The following POP1 variants were observed in gnomAD, a reference collection of about 807,000 sequenced individuals.
The protein encoded by POP1 is ribonucleases P/MRP protein subunit POP1.
A neutral mutation model predicts 102.2 loss-of-function variants in POP1; 75 were observed. That is an observed-to-expected ratio of 0.73 (90% CI 0.61 to 0.89). The LOEUF is 0.89. Ranked by LOEUF, POP1 falls within the 40% of genes least tolerant of loss-of-function variation. The pLI is 0.00. For missense variants in POP1, 1,116 were observed against 1,267.4 expected, an observed-to-expected ratio of 0.88 and a Z score of 1.81; for synonymous variants, 436 against 464.1, an observed-to-expected ratio of 0.94 and a Z score of 0.78.
intron 11 of POP1, among the ~76,000 whole-genome samples, chr8:98,144,500 C>T (rs912375397): frequency 6.6e-6 from 1 of 152,110 alleles, no homozygotes; most frequent in Non-Finnish European, 1.5e-5. Flanking sequence ...GTCTCAAACT[C>T]CTAGGCTCAA....
chr8:98,153,622 C>T (rs1472081439), intron 14 of POP1, among the ~76,000 whole-genome samples: 2 of 142,556 alleles, frequency 1.4e-5, no homozygotes, highest in African/African-American at 5.5e-5. Context: ...ATTGCAACCT[C>T]CACCTCCCAG....
Position 98,124,578 on chromosome 8 carries a change from G to A in POP1, c.142+1099G>A, listed in dbSNP as rs556924084. 5.6e-3 allele frequency among the ~76,000 whole-genome samples: 845 copies of A among 151,560 alleles called. 5 individuals are homozygous for A. The highest frequency in any genetic ancestry group is 7.9e-3 in the Non-Finnish European group (537 of 67,764). ...TCCCAAAAAAAAGGAAAAAAAAAAA[G>A]ATTATAATCTATGTGAGATGAAGAT... is the stretch of plus-strand genomic sequence containing the variant. On this transcript the variant is annotated intron_variant, in intron 2 of 15. Coordinates refer to ENST00000401707, the MANE Select transcript of POP1 (RefSeq NM_001145860.2).
At chr8:98,137,068 T>C in intron 9 of POP1, 114 bp downstream of exon 9, 3 of 904,196 alleles carry the variant, frequency 3.3e-6, no homozygotes, top group South Asian at 2.8e-5. Context: ...AGATGTTTAT[T>C]TCCCTACTTA....
chr8:98,129,285 C>G (rs1323010102), intron 4 of POP1, among the ~76,000 whole-genome samples: 1 of 152,164 alleles, frequency 6.6e-6, no homozygotes, highest in Non-Finnish European at 1.5e-5. Context: ...AATTTTTGTA[C>G]AAGTCTAATT....
chr8:98,133,943 G>GGATAAA lies in POP1; in HGVS notation c.736-6_736-5insGATAAA. 1 of 1,608,558 alleles carries GGATAAA rather than the reference G, an allele frequency of 6.2e-7. No homozygotes were observed. The highest frequency in any genetic ancestry group is 8.5e-7 in the Non-Finnish European group (1 of 1,175,056). On this transcript the variant is annotated splice_polypyrimidine_tract_variant and splice_region_variant and intron_variant, in intron 5 of 15. Transcript: ENST00000401707. The stretch of plus-strand genomic sequence containing the variant: ...AGTACTTAATTGTGTCTCCCGCTTT[G>GGATAAA]TGCAGGATTTATCCTATTACTGTTG...
chr8:98,136,412 AC>A lies in POP1; in HGVS notation c.1012-67del, dbSNP rs138151217. ...TTTTTAAAGAGATTTAAAAAAAAAA[AC>A]CCAACTAAATTTGTCGTAATATATT... is the stretch of plus-strand genomic sequence containing the variant. On this transcript the variant is annotated intron_variant, in intron 7 of 15. Coordinates refer to ENST00000401707, the MANE Select transcript of POP1 (RefSeq NM_001145860.2). The A allele has an allele frequency of 2.9e-4, 423 of 1,474,664 alleles. 1 individual carries two copies. The highest frequency in any genetic ancestry group is 1.1e-3 in the African/African-American group (76 of 68,396). The allele number at this position is 1,474,664 out of a possible 1,614,324, so 91.3% of individuals were successfully genotyped here.
At chr8:98,124,011 C>T (rs1443193288) in intron 2 of POP1, among the ~76,000 whole-genome samples, 1 of 152,064 alleles carries the variant, frequency 6.6e-6, no homozygotes, top group African/African-American at 2.4e-5. Flanking sequence ...TGTGGACATA[C>T]ATAGAGCAGG....
chr8:98,130,050 A>G lies in POP1; in HGVS notation c.559A>G (p.Asn187Asp). 6.2e-7 allele frequency: 1 copy of G among 1,614,202 alleles called. No homozygotes were observed. The highest frequency in any genetic ancestry group is 8.5e-7 in the Non-Finnish European group (1 of 1,180,010). ...CCATAAAGCTCGAAGATGTCACATGAACCGGACGCTAGAATTTAACCGTAG... is the reference window on the plus strand; with the variant it reads ...CCATAAAGCTCGAAGATGTCACATGGACCGGACGCTAGAATTTAACCGTAG... ...KCHKARRCHM[N>D]RTLEFNRRQK... Residue 187 changes from asparagine to aspartate, a missense_variant, in exon 5 of 16, where the codon AAC becomes GAC. Transcript: ENST00000401707.
rs1179343785 is a variant in POP1, at chr8:98,127,681, TC to T, written c.231del (p.Met80CysfsTer23). On this transcript the variant is annotated frameshift_variant, in exon 3 of 16. Transcript: ENST00000401707. LOFTEE classifies it high-confidence loss of function. ...CCCTGAAGTGAATGAGCAGTCTTCC[TC>T]CAAAGGGATGTTTAGAAAAAAGGGA... ...PDPEVNEQSS[S>X]KGMFRKKGGW... The T allele has an allele frequency of 1.2e-6, 2 of 1,614,060 alleles. No homozygotes were observed. The highest frequency in any genetic ancestry group is 1.7e-6 in the Non-Finnish European group (2 of 1,179,994).
intron 11 of POP1, among the ~76,000 whole-genome samples, chr8:98,144,224 A>G (rs1816784047): frequency 6.6e-6 from 1 of 152,050 alleles, no homozygotes. Flanking sequence ...TTTTAGCTCA[A>G]TAATACTCCT....
At position 98,158,297 on chromosome 8, in the gene POP1, A is replaced by G. The variant is rs201959918; in HGVS notation, c.*26A>G. ...ATGCGTGCTTGTATCCCAGCAGGGC[A>G]TAGATAATACGTTATTATTGTCTGC... On this transcript the variant is annotated 3_prime_UTR_variant, in exon 16 of 16. Coordinates refer to ENST00000401707, the MANE Select transcript of POP1 (RefSeq NM_001145860.2). 4.1e-5 allele frequency: 65 copies of G among 1,602,338 alleles called. No individual in the cohort carries two copies. In the East Asian group the frequency reaches 1.4e-3, roughly 35 times the overall value.
chr8:98,153,531 C>CCCTTTT lies in POP1; in HGVS notation c.2058-2519_2058-2518insCCTTTT, dbSNP rs1430760385. Reference sequence around the variant, plus strand: ...CAACTAGATTTACAAACAGTTCTGACTCTTTTTTTTTTTTTTTTTTTTTTT... The same window carrying CCCTTTT: ...CAACTAGATTTACAAACAGTTCTGACCCTTTTTCTTTTTTTTTTTTTTTTTTTTTTT... On this transcript the variant is annotated intron_variant, in intron 14 of 15. Transcript: ENST00000401707. Among the ~76,000 whole-genome samples, 501 of 80,998 alleles carry CCCTTTT rather than the reference C, an allele frequency of 6.2e-3. 4 individuals carry two copies. Among genetic ancestry groups the CCCTTTT allele is most frequent in the South Asian group, 0.016 (39 of 2,396 alleles). The allele number at this position is 80,998 out of a possible 152,430, so 53.1% of individuals were successfully genotyped here. A position where few individuals can be genotyped will look rare whatever the true frequency, so the allele number is the denominator to read the frequency against.
intron 3 of POP1, 54 bp from the exon 4 acceptor site, chr8:98,128,311 C>T: frequency 1.3e-6 from 2 of 1,566,020 alleles, no homozygotes; most frequent in Non-Finnish European, 1.8e-6. Context: ...CCTGTTTATT[C>T]TCCAATGTTA....
Position 98,129,994 on chromosome 8 carries a change from A to G in POP1, c.503A>G (p.His168Arg), listed in dbSNP as rs776783985. ...AAACTATAGGCGGAGAAAGCCGTAC[A>G]TCAGAAAAAAGAACATTCAAAAAAT... ...IAQKEAEKAVHQKKEHSKNKC... is the reference protein window; with the variant it reads ...IAQKEAEKAVRQKKEHSKNKC... Residue 168 changes from histidine (H) to arginine (R), a missense_variant, in exon 5 of 16, where the codon CAT becomes CGT. Transcript: ENST00000401707. The G allele has an allele frequency of 3.8e-5, 61 of 1,613,998 alleles. No individual in the cohort carries two copies. Among genetic ancestry groups the G allele is most frequent in the Non-Finnish European group, 4.9e-5 (58 of 1,179,960 alleles).
intron 11 of POP1, among the ~76,000 whole-genome samples, chr8:98,142,966 TTTTA>T (rs1470680440): frequency 6.6e-6 from 1 of 152,224 alleles, no homozygotes; most frequent in Non-Finnish European, 1.5e-5. Context: ...GTAACTTTGG[TTTTA>T]TTTGATTTCC....
At chr8:98,134,722 C>A in intron 7 of POP1, 63 bp downstream of exon 7, 2 of 1,465,506 alleles carry the variant, frequency 1.4e-6, no homozygotes, top group South Asian at 1.1e-5. Context: ...TGCTGGAAGT[C>A]AATACTGTAG....
intron 11 of POP1, among the ~76,000 whole-genome samples, chr8:98,143,409 C>G (rs1054494072): frequency 6.6e-6 from 1 of 152,110 alleles, no homozygotes; most frequent in Admixed American, 6.5e-5. Flanking sequence ...CATAAAGTAC[C>G]GAGATCCCAT....
chr8:98,123,288 G>T (rs756475751), intron 1 of POP1, 48 bp from the exon 2 acceptor site: 1 of 1,590,140 alleles, frequency 6.3e-7, no homozygotes, highest in South Asian at 1.1e-5. Flanking sequence ...TTTTATTTTT[G>T]AGTGGAAGTT....
At chr8:98,151,964 G>C (rs1243126512) in intron 14 of POP1, among the ~76,000 whole-genome samples, 1 of 151,704 alleles carries the variant, frequency 6.6e-6, no homozygotes, top group Admixed American at 6.6e-5. Flanking sequence ...GAATTCCTGG[G>C]CTCAAGTGAT....
Sources: gnomAD v4.1 joint callset for allele counts (sites outside exome capture counted in the v4.1 genomes callset) on GRCh38, gnomAD v4.1.1 for gene constraint, MANE v1.5 for transcripts, NCBI Gene and HGNC (gene_info 2026-07-23, HGNC 2026-07-21) for gene names.